The following LIPJ variants were observed in gnomAD, a reference collection of about 807,000 sequenced individuals.
LIPJ encodes lipase family member J.
Under a neutral mutation model 39.8 loss-of-function variants are expected in LIPJ, and 33 were observed. The ratio of observed to expected loss-of-function variants is 0.83; its 90% CI spans 0.63 to 1.11. The LOEUF (loss-of-function observed/expected upper bound fraction) is 1.11, where lower values mean the gene tolerates loss of function less well. LIPJ is among the 50% of genes least tolerant of loss of function. The probability of loss-of-function intolerance (pLI) is 0.00; values close to 1 mark genes in which losing one functional copy is unlikely to be tolerated. For missense variants in LIPJ, 422 were observed against 427.9 expected (o/e 0.99, Z 0.12); for synonymous variants, 128 against 139.2 (o/e 0.92, Z 0.57).
chr10:88,607,039 A>G (rs113012526), downstream of LIPJ: 373 of 957,544 alleles, frequency 3.9e-4, 3 homozygotes, highest in African/African-American at 5.4e-3. Context: ...ATTCTCATTG[A>G]CCTTAGGCCC....
chr10:88,602,703 C>A, intron 9 of LIPJ, 56 bp downstream of exon 9: 1 of 1,057,324 alleles, frequency 9.5e-7, no homozygotes, highest in East Asian at 2.7e-5. Context: ...TCATGGTTTA[C>A]CTCATTATTC....
chr10:88,590,312 A>G (rs1200711761), intron 2 of LIPJ, among the ~76,000 whole-genome samples: 1 of 151,842 alleles, frequency 6.6e-6, no homozygotes, highest in Non-Finnish European at 1.5e-5. Context: ...GGACTGTGCA[A>G]TACTACAATG....
At chr10:88,606,044 A>C in intron 10 of LIPJ, among the ~76,000 whole-genome samples, 1 of 152,200 alleles carries the variant, frequency 6.6e-6, no homozygotes, top group South Asian at 2.1e-4. Context: ...ATATTTATTC[A>C]CCCTAAAACC....
exon 5 of LIPJ, chr10:88,594,104 T>C: frequency 6.2e-7 from 1 of 1,611,682 alleles, no homozygotes; most frequent in Non-Finnish European, 8.5e-7. Flanking sequence ...CAGGAAACAC[T>C]TGTACCTAGA....
the LIPJ span, among the ~76,000 whole-genome samples, chr10:88,620,311 AAAT>A: frequency 1.3e-5 from 2 of 152,214 alleles, no homozygotes; most frequent in Non-Finnish European, 2.9e-5. Flanking sequence ...AGAAAAGTTC[AAAT>A]AAGGAGTATA....
the LIPJ span, among the ~76,000 whole-genome samples, chr10:88,619,360 T>C: frequency 3.9e-5 from 6 of 151,962 alleles, no homozygotes; most frequent in Non-Finnish European, 8.8e-5. Context: ...TTCTAATTCA[T>C]ACATATAAAA....
chr10:88,606,604 C>T (rs962816190), intron 10 of LIPJ, 70 bp from the exon 11 acceptor site: 1 of 852,776 alleles, frequency 1.2e-6, no homozygotes, highest in Non-Finnish European at 1.9e-6. Context: ...ATCATTTTAA[C>T]AATTAGTAAT....
intron 8 of LIPJ, among the ~76,000 whole-genome samples, chr10:88,601,419 C>T (rs1444736174): frequency 6.6e-6 from 1 of 152,122 alleles, no homozygotes; most frequent in African/African-American, 2.4e-5. Flanking sequence ...TTAGGGTTGG[C>T]CTTATTTCAT....
At chr10:88,620,374 A>G in the LIPJ span, among the ~76,000 whole-genome samples, 1 of 152,234 alleles carries the variant, frequency 6.6e-6, no homozygotes, top group African/African-American at 2.4e-5. Context: ...CTGGATAATT[A>G]TATTATTATG....
upstream of LIPJ, chr10:88,583,107 C>G: frequency 6.2e-7 from 1 of 1,614,142 alleles, no homozygotes; most frequent in Non-Finnish European, 8.5e-7. Context: ...CAGCAAGGTA[C>G]AAGGGACCGG....
At chr10:88,589,012 A>T (rs959197451) in intron 2 of LIPJ, among the ~76,000 whole-genome samples, 1 of 151,924 alleles carries the variant, frequency 6.6e-6, no homozygotes, top group East Asian at 1.9e-4. Flanking sequence ...ATTTGAGGCT[A>T]TAAATTGGGC....
At chr10:88,616,659 T>G in the LIPJ span, among the ~76,000 whole-genome samples, 4 of 152,180 alleles carry the variant, frequency 2.6e-5, no homozygotes, top group Admixed American at 6.5e-5. Flanking sequence ...CCTGGAAGAC[T>G]CTGACGGAGC....
chr10:88,602,011 T>C (rs1370187953), intron 8 of LIPJ, among the ~76,000 whole-genome samples: 4 of 152,198 alleles, frequency 2.6e-5, no homozygotes, highest in Admixed American at 6.5e-5. Context: ...ATTAACATTA[T>C]GGCTTTACCT....
intron 3 of LIPJ, 56 bp downstream of exon 3, chr10:88,590,752 C>T: frequency 7.1e-7 from 1 of 1,400,674 alleles, no homozygotes; most frequent in Non-Finnish European, 1.0e-6. Flanking sequence ...TGCTACTTTT[C>T]AAATTTGGAA....
At chr10:88,597,922 T>C (rs1394613250) in intron 8 of LIPJ, among the ~76,000 whole-genome samples, 1 of 152,000 alleles carries the variant, frequency 6.6e-6, no homozygotes, top group African/African-American at 2.4e-5. Context: ...GCCAATTCTA[T>C]ATTTTTTTGT....
upstream of LIPJ, among the ~76,000 whole-genome samples, chr10:88,584,812 C>T (rs553679214): frequency 4.6e-5 from 7 of 152,114 alleles, no homozygotes; most frequent in South Asian, 4.2e-4. Flanking sequence ...TTGCCATGTT[C>T]CCCGGGTTAG....
chr10:88,609,682 C>T (rs367634590), downstream of LIPJ, among the ~76,000 whole-genome samples: 3 of 152,056 alleles, frequency 2.0e-5, no homozygotes, highest in East Asian at 1.9e-4. Flanking sequence ...GGGTGGATCA[C>T]GAGGTCAAGA....
chr10:88,585,805 C>T (rs886800385), upstream of LIPJ: 3 of 152,148 alleles, frequency 2.0e-5, no homozygotes, highest in Non-Finnish European at 4.4e-5. Flanking sequence ...AGTTCTGCAC[C>T]CAGCTTCTAG....
At chr10:88,591,470 T>C (rs988596849) in exon 4 of LIPJ, 5 of 1,601,762 alleles carry the variant, frequency 3.1e-6, no homozygotes, top group Non-Finnish European at 3.4e-6. Flanking sequence ...GAATTCCTTA[T>C]TGGAGGACAG....
Sources: gnomAD v4.1 joint callset for allele counts (sites outside exome capture counted in the v4.1 genomes callset) on GRCh38, gnomAD v4.1.1 for gene constraint, MANE v1.5 for transcripts, NCBI Gene and HGNC (gene_info 2026-07-23, HGNC 2026-07-21) for gene names.